The following ABCC8 variants were observed in gnomAD, a reference collection of about 807,000 sequenced individuals.
ABCC8 encodes the protein ATP-binding cassette sub-family C member 8.
Under a neutral mutation model 188.0 loss-of-function variants are expected in ABCC8, and 137 were observed. That is an observed-to-expected ratio of 0.73 (90% CI 0.63 to 0.84). The LOEUF is 0.84. Ranked by LOEUF, ABCC8 falls within the 40% of genes least tolerant of loss-of-function variation. The pLI is 0.00. For missense variants in ABCC8, 1,750 were observed against 2,072.7 expected, an observed-to-expected ratio of 0.84 and a Z score of 3.02; for synonymous variants, 797 against 846.5, an observed-to-expected ratio of 0.94 and a Z score of 1.01.
At chr11:17,434,700 T>C (rs560333715) in intron 10 of ABCC8, among the ~76,000 whole-genome samples, 20 of 152,312 alleles carry the variant, frequency 1.3e-4, no homozygotes, top group African/African-American at 3.8e-4. Context: ...TTTTCAATTT[T>C]ATTGTCTTTA....
intron 8 of ABCC8, among the ~76,000 whole-genome samples, chr11:17,447,698 T>A (rs1224075280): frequency 6.6e-6 from 1 of 152,148 alleles, no homozygotes; most frequent in Non-Finnish European, 1.5e-5. Flanking sequence ...CTCCTGGACT[T>A]TAGGTAATCT....
chr11:17,462,255 C>T (rs1957221803), intron 4 of ABCC8, among the ~76,000 whole-genome samples: 2 of 152,152 alleles, frequency 1.3e-5, no homozygotes, highest in South Asian at 4.1e-4. Flanking sequence ...TAAAATGTTT[C>T]CTCATCTATA....
intron 3 of ABCC8, among the ~76,000 whole-genome samples, chr11:17,469,330 T>C (rs1302757675): frequency 1.3e-5 from 2 of 151,988 alleles, no homozygotes; most frequent in East Asian, 3.9e-4. Context: ...TGACCTCGGG[T>C]GATCCGCCCA....
At chr11:17,409,119 ATTT>A (rs34715760) in intron 22 of ABCC8, among the ~76,000 whole-genome samples, 11 of 141,368 alleles carry the variant, frequency 7.8e-5, no homozygotes, top group Admixed American at 2.1e-4. Flanking sequence ...TACCTGGCTA[ATTT>A]TTTTTTTTTT....
intron 6 of ABCC8, among the ~76,000 whole-genome samples, chr11:17,458,808 C>T (rs1224156323): frequency 6.6e-6 from 1 of 152,242 alleles, no homozygotes; most frequent in African/African-American, 2.4e-5. Context: ...GTCAAGACCC[C>T]TTTCAAACAT....
At position 17,443,279 on chromosome 11, in the gene ABCC8, G is replaced by T; in HGVS notation, c.1366C>A (p.Leu456Ile). ...GCTCCAATTAAGGCACTGACTCCGA[G>T]TATGTAGTAGAGGAGAATCACACCC... The part of the protein sequence containing the change: ...IVGVILLYYI[L>I]GVSALIGAAV... The change falls in exon 9 of 39, where the codon CTC becomes ATC. Residue 456 changes from leucine to isoleucine, a missense_variant. By Grantham distance (5) the Leu-to-Ile change is conservative. Transcript: ENST00000389817. 2 of 1,614,152 alleles carry T rather than the reference G, an allele frequency of 1.2e-6. No homozygotes were observed. The highest frequency in any genetic ancestry group is 2.2e-5 in the South Asian group (2 of 91,076).
In ABCC8 at chr11:17,412,536, CTCTGGCAGGAGGGATTTACT is replaced by C. The variant is rs1241608406; in HGVS notation, c.2556+110_2556+129del. 1.5e-5 allele frequency: 20 copies of C among 1,318,748 alleles called. No homozygotes were observed. In the African/African-American group the frequency reaches 2.5e-4, roughly 16 times the overall value. 81.7% of individuals were successfully genotyped at this position (1,318,748 alleles called of 1,614,324 possible). ...TATCACTAGGATGATAAGGCAATATCTCTGGCAGGAGGGATTTACTCCTGGAGAGGGAGATTGTTGGATGA... is the reference window on the plus strand; with the variant it reads ...TATCACTAGGATGATAAGGCAATATCCCTGGAGAGGGAGATTGTTGGATGA... On this transcript the variant is annotated intron_variant, in intron 21 of 38. Transcript: ENST00000389817.
At chr11:17,451,051 T>C (rs946516081) in intron 7 of ABCC8, among the ~76,000 whole-genome samples, 1 of 152,208 alleles carries the variant, frequency 6.6e-6, no homozygotes, top group Non-Finnish European at 1.5e-5. Context: ...TGAATCTCTC[T>C]TATTAACATG....
intron 10 of ABCC8, among the ~76,000 whole-genome samples, chr11:17,432,504 T>C (rs930319897): frequency 2.0e-5 from 3 of 152,152 alleles, no homozygotes; most frequent in Non-Finnish European, 4.4e-5. Context: ...AGGGTGAAGT[T>C]AGCCCCACGG....
At chr11:17,402,886 G>T (rs970061309) in intron 28 of ABCC8, 133 bp from the exon 29 acceptor site, 5 of 1,093,694 alleles carry the variant, frequency 4.6e-6, no homozygotes, top group Non-Finnish European at 6.8e-6. Context: ...TTCTTACCCC[G>T]TGAAGGGGGA....
At chr11:17,463,324 A>T (rs1232581907) in intron 4 of ABCC8, 114 bp downstream of exon 4, 2 of 935,364 alleles carry the variant, frequency 2.1e-6, no homozygotes, top group Non-Finnish European at 3.3e-6. Flanking sequence ...CGGGTAAAAC[A>T]AGCTGATCCC....
At chr11:17,435,667 G>A (rs796306363) in intron 10 of ABCC8, 4 of 1,406,230 alleles carry the variant, frequency 2.8e-6, no homozygotes, top group Non-Finnish European at 4.0e-6. Context: ...GGGAACCTCT[G>A]TTCTTCACAT....
At position 17,427,190 on chromosome 11, in the gene ABCC8, CG is replaced by C; in HGVS notation, c.2117-37del. 2 of 1,584,516 alleles carry C rather than the reference CG, an allele frequency of 1.3e-6. No individual in the cohort carries two copies. On this transcript the variant is annotated intron_variant, in intron 15 of 38. Transcript: ENST00000389817. The surrounding 1 kb of genome is among the most constrained non-coding windows in gnomAD (Gnocchi z 5.0). ...GGAGGGTGGCAGATGTGAGTGGGGC[CG>C]GGGGAGTCTGAACAACCATTACCCA...
chr11:17,447,436 A>AT (rs1956582200), intron 8 of ABCC8, among the ~76,000 whole-genome samples: 1 of 152,064 alleles, frequency 6.6e-6, no homozygotes, highest in African/African-American at 2.4e-5. Flanking sequence ...TTTTATTTTT[A>AT]TTTTTTAAGA....
chr11:17,428,772 A>G (rs1955714772), intron 12 of ABCC8, 102 bp from the exon 13 acceptor site: 1 of 1,555,364 alleles, frequency 6.4e-7, no homozygotes, highest in Non-Finnish European at 8.6e-7. Context: ...CTCAGGCCTG[A>G]AGTATAGTCC....
At chr11:17,411,769 C>A (rs1179050471) in intron 21 of ABCC8, among the ~76,000 whole-genome samples, 1 of 152,152 alleles carries the variant, frequency 6.6e-6, no homozygotes, top group Non-Finnish European at 1.5e-5. Context: ...TGAGCTCTGT[C>A]TCCCTAATCA....
At position 17,406,526 on chromosome 11, in the gene ABCC8, G is replaced by A. The variant is rs1954531595; in HGVS notation, c.3329+96C>T. On this transcript the variant is annotated intron_variant, in intron 26 of 38. Coordinates refer to ENST00000389817, the MANE Select transcript of ABCC8 (RefSeq NM_000352.6). ...CCTTGAGTCACCCCCACAAGCTTGTGACAGGTTGTATATCCCCATTTTATA... is the reference window on the plus strand; with the variant it reads ...CCTTGAGTCACCCCCACAAGCTTGTAACAGGTTGTATATCCCCATTTTATA... 9.9e-6 allele frequency: 13 copies of A among 1,314,300 alleles called. No homozygotes were observed. In the South Asian group the frequency reaches 1.8e-4, roughly 19 times the overall value. The allele number at this position is 1,314,300 out of a possible 1,614,324, so 81.4% of individuals were successfully genotyped here. A position where few individuals can be genotyped will look rare whatever the true frequency, so the allele number is the denominator to read the frequency against.
chr11:17,470,176 C>T lies in ABCC8; in HGVS notation c.337G>A (p.Ala113Thr). 1.2e-6 allele frequency: 2 copies of T among 1,614,200 alleles called. No homozygotes were observed. Among genetic ancestry groups the T allele is most frequent in the Non-Finnish European group, 1.7e-6 (2 of 1,180,044 alleles). Residue 113 changes from alanine to threonine, a missense_variant, in exon 3 of 39, where the codon GCG becomes ACG. Physicochemically the swap from Ala to Thr is moderately conservative, Grantham distance 58 (BLOSUM62 0). Transcript: ENST00000389817. ...HLHLYMPAGM[A>T]FMAAVTSVVY... is the part of the protein sequence containing the mutation. ...ACGGAGGTGACAGCAGCCATGAACG[C>T]CATCCCGGCTGGCATGTACAGGTGC...
chr11:17,402,536 G>A, intron 29 of ABCC8, 125 bp downstream of exon 29: 3 of 1,575,538 alleles, frequency 1.9e-6, no homozygotes, highest in Non-Finnish European at 2.6e-6. Context: ...TGGGACCTGA[G>A]GCAGCTTGAG....
Sources: allele counts gnomAD v4.1 joint callset (sites outside exome capture counted in the v4.1 genomes callset), GRCh38; gene constraint gnomAD v4.1.1; non-coding constraint Gnocchi (gnomAD v3.1); transcripts MANE v1.5; gene names NCBI Gene and HGNC (gene_info 2026-07-23, HGNC 2026-07-21).